The following USP10 variants were observed in gnomAD, a reference collection of about 807,000 sequenced individuals.
USP10 encodes the protein ubiquitin carboxyl-terminal hydrolase 10.
Under a neutral mutation model 84.5 loss-of-function variants are expected in USP10, and 22 were observed. That is an observed-to-expected ratio of 0.26 (90% CI 0.19 to 0.37). The LOEUF (loss-of-function observed/expected upper bound fraction) is 0.37, where lower values mean the gene tolerates loss of function less well. USP10 is among the 10% of genes least tolerant of loss of function. USP10 has a pLI of 1.00. For synonymous variants in USP10, 454 were observed against 387.6 expected, an observed-to-expected ratio of 1.17 and a Z score of -2.01; for missense variants, 1,019 against 998.9, an observed-to-expected ratio of 1.02 and a Z score of -0.27.
intron 8 of USP10, among the ~76,000 whole-genome samples, chr16:84,761,539 C>G (rs1567640885): frequency 6.6e-6 from 1 of 152,214 alleles, no homozygotes; most frequent in Non-Finnish European, 1.5e-5. Flanking sequence ...AGTGGGGCCA[C>G]AAGGCTACGC....
intron 4 of USP10, among the ~76,000 whole-genome samples, chr16:84,756,208 C>T (rs539661321): frequency 6.6e-6 from 1 of 152,322 alleles, no homozygotes; most frequent in South Asian, 2.1e-4. Flanking sequence ...GCAGGACCAC[C>T]TTGCATTCAT....
chr16:84,778,091 C>CGTGTGTGTGTGTGTGTGTGTG (rs1555551161), intron 13 of USP10, among the ~76,000 whole-genome samples: 1 of 143,432 alleles, frequency 7.0e-6, no homozygotes, highest in African/African-American at 2.6e-5. Context: ...AAGTAAATAA[C>CGTGTGTGTGTGTGTGTGTGTG]TGTGTGTGTG....
intron 1 of USP10, among the ~76,000 whole-genome samples, chr16:84,730,499 C>T (rs1909071382): frequency 1.3e-5 from 2 of 152,090 alleles, no homozygotes. Context: ...TTAAGTAAAA[C>T]TAATAAATTT....
At chr16:84,748,673 C>G (rs60997847) in intron 4 of USP10, among the ~76,000 whole-genome samples, 4,903 of 152,244 alleles carry the variant, frequency 0.032, 236 homozygotes, top group African/African-American at 0.11. Context: ...GAGATTTTCT[C>G]TATCTTTATT....
At chr16:84,742,207 G>T (rs1910705780) in intron 3 of USP10, among the ~76,000 whole-genome samples, 1 of 152,120 alleles carries the variant, frequency 6.6e-6, no homozygotes, top group South Asian at 2.1e-4. Flanking sequence ...CTCAAGCACT[G>T]CCTGTTTTAG....
intron 3 of USP10, 58 bp downstream of exon 3, chr16:84,740,427 G>A (rs1555542567): frequency 2.2e-6 from 3 of 1,367,678 alleles, no homozygotes; most frequent in East Asian, 4.7e-5. Flanking sequence ...TGCTGGGTGG[G>A]CAGGCTACCT....
At chr16:84,778,284 C>G (rs1030143083) in intron 13 of USP10, among the ~76,000 whole-genome samples, 7 of 152,124 alleles carry the variant, frequency 4.6e-5, no homozygotes, top group African/African-American at 1.7e-4. Flanking sequence ...GAGATTGTGT[C>G]CCGTGTCTTT....
chr16:84,711,218 G>A (rs1030889127), intron 1 of USP10, among the ~76,000 whole-genome samples: 1 of 152,162 alleles, frequency 6.6e-6, no homozygotes, highest in Non-Finnish European at 1.5e-5. Flanking sequence ...GCCAGGGCCC[G>A]TGTTGGGATT....
intron 10 of USP10, among the ~76,000 whole-genome samples, chr16:84,767,988 G>A (rs1914044583): frequency 6.6e-6 from 1 of 151,972 alleles, no homozygotes; most frequent in African/African-American, 2.4e-5. Flanking sequence ...CTCTTAACGA[G>A]CATGCTGCCT....
intron 2 of USP10, among the ~76,000 whole-genome samples, chr16:84,737,447 A>G (rs1048127377): frequency 6.6e-6 from 1 of 152,216 alleles, no homozygotes; most frequent in African/African-American, 2.4e-5. Flanking sequence ...CCCAGTTACC[A>G]CAGACTAAGT....
In USP10 at chr16:84,778,869, C is replaced by G. The variant is rs774653195; in HGVS notation, c.2210-26C>G. The G allele has an allele frequency of 5.0e-6, 8 of 1,603,746 alleles. No homozygotes were observed. In the Admixed American group the frequency reaches 6.8e-5, roughly 14 times the overall value. ...ATTCGTGTGCAGTGCTGTTCTCACTCTGCTGCCTGCTGGGCTCTCTTCCAG... is the reference window on the plus strand; with the variant it reads ...ATTCGTGTGCAGTGCTGTTCTCACTGTGCTGCCTGCTGGGCTCTCTTCCAG... On this transcript the variant is annotated intron_variant, in intron 13 of 13. Transcript: ENST00000219473.
At chr16:84,715,736 G>A (rs1347697896) in intron 1 of USP10, among the ~76,000 whole-genome samples, 1 of 152,140 alleles carries the variant, frequency 6.6e-6, no homozygotes, top group Non-Finnish European at 1.5e-5. Context: ...AAATTCCAGA[G>A]GTAGATCAGG....
At chr16:84,715,632 C>T (rs1250850638) in intron 1 of USP10, among the ~76,000 whole-genome samples, 2 of 151,776 alleles carry the variant, frequency 1.3e-5, no homozygotes, top group East Asian at 3.9e-4. Context: ...GTTAGGGTGC[C>T]CTCCCTTTTT....
chr16:84,739,639 T>C (rs923522391), intron 2 of USP10, among the ~76,000 whole-genome samples: 6 of 152,228 alleles, frequency 3.9e-5, no homozygotes, highest in African/African-American at 1.2e-4. Context: ...ATAAATGTTA[T>C]GGAATAGCTA....
chr16:84,726,578 G>T (rs1908508679), intron 1 of USP10, among the ~76,000 whole-genome samples: 1 of 152,218 alleles, frequency 6.6e-6, no homozygotes, highest in Admixed American at 6.5e-5. Flanking sequence ...TCCCATCCCT[G>T]CTGTGGTGTG....
intron 4 of USP10, among the ~76,000 whole-genome samples, chr16:84,757,386 G>T (rs1256039330): frequency 2.4e-5 from 3 of 127,222 alleles, no homozygotes; most frequent in Non-Finnish European, 5.0e-5. Flanking sequence ...AGGAAGGAGG[G>T]AATGAGAGGG....
At chr16:84,705,158 A>C (rs1284202209) in intron 1 of USP10, among the ~76,000 whole-genome samples, 15 of 152,134 alleles carry the variant, frequency 9.9e-5, no homozygotes, top group Admixed American at 9.8e-4. Flanking sequence ...CAGGAGTCTC[A>C]AAACCAGTCC....
rs761500673 is a variant in USP10 at position 84,764,242 on chromosome 16, G to T, written c.1811G>T (p.Gly604Val). 6.2e-7 allele frequency: 1 copy of T among 1,614,002 alleles called. No homozygotes were observed. Among genetic ancestry groups the T allele is most frequent in the South Asian group, 1.1e-5 (1 of 91,082 alleles). Residue 604 changes from glycine to valine, a missense_variant, in exon 10 of 14, where the codon GGC becomes GTC. Transcript: ENST00000219473. ...QADFVQTPIT[G>V]IFGGHIRSVV... is the part of the protein sequence containing the mutation. ...GATTTTGTTCAGACTCCAATCACCGGCATTTTTGGTGGACACATCAGGTTT... is the reference window on the plus strand; with the variant it reads ...GATTTTGTTCAGACTCCAATCACCGTCATTTTTGGTGGACACATCAGGTTT...
chr16:84,778,603 G>C (rs941282325), intron 13 of USP10, among the ~76,000 whole-genome samples: 2 of 152,226 alleles, frequency 1.3e-5, no homozygotes, highest in African/African-American at 4.8e-5. Flanking sequence ...CTGTGTAGGA[G>C]TGTCTGTGTG....
Sources: gnomAD v4.1 joint callset for allele counts (sites outside exome capture counted in the v4.1 genomes callset) on GRCh38, gnomAD v4.1.1 for gene constraint, MANE v1.5 for transcripts, NCBI Gene and HGNC (gene_info 2026-07-23, HGNC 2026-07-21) for gene names.